Variants in PLXNA4 observed in about 807,000 individuals in gnomAD.
PLXNA4 encodes plexin-A4.
A neutral mutation model predicts 191.8 loss-of-function variants in PLXNA4; 44 were observed. That is an observed-to-expected ratio of 0.23 (90% CI 0.18 to 0.29). PLXNA4 has a LOEUF of 0.29. Ranked by LOEUF, PLXNA4 falls within the 10% of genes least tolerant of loss-of-function variation. The probability of loss-of-function intolerance (pLI) is 1.00; values close to 1 mark genes in which losing one functional copy is unlikely to be tolerated. For missense variants in PLXNA4, 1,800 were observed against 2,488.8 expected, an observed-to-expected ratio of 0.72 and a Z score of 5.89; for synonymous variants, 1,082 against 1,009.5, an observed-to-expected ratio of 1.07 and a Z score of -1.36.
At chr7:132,539,443 T>C (rs1188061201) in intron 1 of PLXNA4, among the ~76,000 whole-genome samples, 1 of 152,156 alleles carries the variant, frequency 6.6e-6, no homozygotes, top group Non-Finnish European at 1.5e-5. Context: ...GAAATGTAAA[T>C]CTCAGGCCTG....
chr7:132,563,414 C>T (rs1259758269), intron 1 of PLXNA4, among the ~76,000 whole-genome samples: 2 of 101,984 alleles, frequency 2.0e-5, no homozygotes, highest in Non-Finnish European at 4.1e-5. Context: ...CCTCCTCTCC[C>T]TCCTCCTCCT....
chr7:132,125,119 G>T lies in PLXNA4; in HGVS notation c.*5360C>A, dbSNP rs1371582631. 3.9e-5 allele frequency: 6 copies of T among 152,098 alleles called. No individual in the cohort carries two copies. Among genetic ancestry groups the T allele is most frequent in the Non-Finnish European group, 8.8e-5 (6 of 68,016 alleles). The allele number at this position is 152,098 out of a possible 1,614,324, so 9.4% of individuals were successfully genotyped here. A position where few individuals can be genotyped will look rare whatever the true frequency, so the allele number is the denominator to read the frequency against. Reference sequence around the variant, plus strand: ...CCAAATGAGAGGAGTGGTCATTTAGGTTTCCTGTCAAGAGCATGCCACCCT... The same window carrying T: ...CCAAATGAGAGGAGTGGTCATTTAGTTTTCCTGTCAAGAGCATGCCACCCT... On this transcript the variant is annotated 3_prime_UTR_variant, in exon 32 of 32. Transcript: ENST00000321063.
chr7:132,560,915 G>A (rs1217218325), intron 1 of PLXNA4, among the ~76,000 whole-genome samples: 3 of 152,010 alleles, frequency 2.0e-5, no homozygotes, highest in Admixed American at 6.6e-5. Flanking sequence ...GATCAGCCCC[G>A]GCTCAGGATG....
At chr7:132,208,095 C>T (rs752126573) in intron 10 of PLXNA4, among the ~76,000 whole-genome samples, 2 of 152,154 alleles carry the variant, frequency 1.3e-5, no homozygotes, top group African/African-American at 2.4e-5. Context: ...TGGGTTGCCC[C>T]GATCATGACC....
chr7:132,608,714 A>G (rs1452456717), intron 2 of PLXNA4, among the ~76,000 whole-genome samples: 3 of 151,866 alleles, frequency 2.0e-5, no homozygotes, highest in Non-Finnish European at 2.9e-5. Flanking sequence ...GCGACAGCCT[A>G]AAAACTTGTC....
intron 13 of PLXNA4, among the ~76,000 whole-genome samples, chr7:132,197,610 G>A (rs1797293640): frequency 1.3e-5 from 2 of 152,258 alleles, no homozygotes; most frequent in South Asian, 4.2e-4. Flanking sequence ...CCAGAGAGGT[G>A]AGTCCTACCA....
chr7:132,462,241 C>T (rs1159476938), intron 3 of PLXNA4, among the ~76,000 whole-genome samples: 1 of 152,106 alleles, frequency 6.6e-6, no homozygotes, highest in African/African-American at 2.4e-5. Context: ...AGGGTAACCA[C>T]TATTAGGTTA....
intron 2 of PLXNA4, among the ~76,000 whole-genome samples, chr7:132,607,990 T>TATCA (rs1279095176): frequency 5.0e-5 from 1 of 19,918 alleles, no homozygotes; most frequent in East Asian, 2.0e-3. Context: ...CATCCTCATC[T>TATCA]CTATCACCAT....
chr7:132,528,524 G>A (rs1799500488), intron 1 of PLXNA4, among the ~76,000 whole-genome samples: 1 of 152,200 alleles, frequency 6.6e-6, no homozygotes, highest in East Asian at 1.9e-4. Flanking sequence ...CCTTCTCCCT[G>A]CCAGTGATGA....
At position 132,613,360 on chromosome 7, in the gene PLXNA4, C is replaced by T. The variant is rs149237526; in HGVS notation, c.-87+32568G>A. Among the ~76,000 whole-genome samples the T allele has an allele frequency of 1.5e-3, 235 of 152,308 alleles. 10 individuals are homozygous for T. In the East Asian group the frequency reaches 0.041, roughly 26 times the overall value. On this transcript the variant is annotated intron_variant, in intron 2 of 4. Transcript: ENST00000378539. ...GAATCTGAATAAAGCCACCCTCCCC[C>T]CCGACATCTCCTCTGAATCCTCCAT...
chr7:132,140,884 CTG>C (rs1198529903), intron 29 of PLXNA4, 73 bp from the exon 30 acceptor site: 4 of 1,571,752 alleles, frequency 2.5e-6, no homozygotes, highest in Non-Finnish European at 3.4e-6. Context: ...GGAGGGGTCT[CTG>C]GAGAAGGAGA....
At chr7:132,264,584 C>T (rs987669739) in intron 4 of PLXNA4, among the ~76,000 whole-genome samples, 6 of 152,164 alleles carry the variant, frequency 3.9e-5, no homozygotes, top group African/African-American at 1.2e-4. Flanking sequence ...TTTATAACAC[C>T]ACCTAAACCA....
At chr7:132,531,664 C>A (rs748319971) in intron 1 of PLXNA4, among the ~76,000 whole-genome samples, 1 of 152,186 alleles carries the variant, frequency 6.6e-6, no homozygotes, top group African/African-American at 2.4e-5. Flanking sequence ...GAGCCAAAAT[C>A]GAGTTCAGTT....
At chr7:132,608,850 C>A (rs1485058625) in intron 2 of PLXNA4, among the ~76,000 whole-genome samples, 2 of 152,148 alleles carry the variant, frequency 1.3e-5, no homozygotes, top group Non-Finnish European at 2.9e-5. Context: ...TCTCAAGGAC[C>A]ACATTCAAAC....
At chr7:132,293,088 C>A (rs888251164) in intron 4 of PLXNA4, among the ~76,000 whole-genome samples, 3 of 152,044 alleles carry the variant, frequency 2.0e-5, no homozygotes, top group African/African-American at 7.2e-5. Context: ...CAGGATGGGG[C>A]CAAGGGACCA....
intron 2 of PLXNA4, among the ~76,000 whole-genome samples, chr7:132,619,228 C>T (rs60428302): frequency 1.4e-4 from 21 of 152,008 alleles, no homozygotes; most frequent in Non-Finnish European, 2.9e-5. Flanking sequence ...TAGTATCAAG[C>T]CTGGAAATCA....
At chr7:132,233,447 C>T (rs1424260485) in intron 5 of PLXNA4, among the ~76,000 whole-genome samples, 1 of 152,110 alleles carries the variant, frequency 6.6e-6, no homozygotes, top group African/African-American at 2.4e-5. Flanking sequence ...ACCATGGTCT[C>T]AAGGAAGTTG....
intron 3 of PLXNA4, among the ~76,000 whole-genome samples, chr7:132,446,458 C>T (rs1231296154): frequency 3.9e-5 from 6 of 152,140 alleles, no homozygotes; most frequent in African/African-American, 1.4e-4. Flanking sequence ...TCATGGATTC[C>T]ACTGGAGGAG....
intron 5 of PLXNA4, among the ~76,000 whole-genome samples, chr7:132,236,881 T>A (rs1341200097): frequency 1.3e-5 from 2 of 152,168 alleles, no homozygotes; most frequent in Non-Finnish European, 2.9e-5. Flanking sequence ...TCTCTCCTGC[T>A]GAGCCCACTT....
Sources: gnomAD v4.1 joint callset for allele counts (sites outside exome capture counted in the v4.1 genomes callset) on GRCh38, gnomAD v4.1.1 for gene constraint, MANE v1.5 for transcripts, NCBI Gene and HGNC (gene_info 2026-07-23, HGNC 2026-07-21) for gene names.